KIF1C: variants seen among roughly 807,000 people sequenced by gnomAD.
KIF1C encodes the protein kinesin family member 1C, also known as kinesin-like protein KIF1C.
A neutral mutation model predicts 126.5 loss-of-function variants in KIF1C; 61 were observed. The ratio of observed to expected loss-of-function variants is 0.48; its 90% CI spans 0.39 to 0.60. The LOEUF (loss-of-function observed/expected upper bound fraction) is 0.60, where lower values mean the gene tolerates loss of function less well. Among genes scored for constraint, KIF1C ranks in the 20% least tolerant of loss-of-function variants. KIF1C has a pLI of 0.00. For missense variants in KIF1C, 1,315 were observed against 1,489.2 expected (o/e 0.88, Z 1.93); for synonymous variants, 640 against 580.6 (o/e 1.10, Z -1.47).
chr17:5,002,869 C>G (rs199955251), intron 8 of KIF1C, 27 bp downstream of exon 8: 2 of 1,556,418 alleles, frequency 1.3e-6, no homozygotes, highest in African/African-American at 2.7e-5. Flanking sequence ...CCCCACTCCC[C>G]CACCGGATGC....
rs1975123108 is a variant in KIF1C at position 5,022,775 on chromosome 17, C to T, written c.2628+66C>T. The stretch of plus-strand genomic sequence containing the variant: ...TCTTCACTTTAGGAGTCTGAACCTT[C>T]CATCTCAGAGCCTAACCTTCCCCAA... On this transcript the variant is annotated intron_variant, in intron 22 of 22. Transcript: ENST00000320785. This position sits in a 1 kb window ranked among gnomAD's most constrained non-coding sequence, Gnocchi z 4.9. The T allele has an allele frequency of 7.0e-7, 1 of 1,426,606 alleles. No homozygotes were observed. 88.4% of individuals were successfully genotyped at this position (1,426,606 alleles called of 1,614,324 possible). A position where few individuals can be genotyped will look rare whatever the true frequency, so the allele number is the denominator to read the frequency against.
chr17:5,014,040 G>A lies in KIF1C; in HGVS notation c.1571+308G>A, dbSNP rs375647960. The stretch of plus-strand genomic sequence containing the variant: ...CCATTGCCTTGGCCTCCCTTGGTGG[G>A]GCCTTCCCTGGGGGCGGGAGAAGGG... On this transcript the variant is annotated intron_variant, in intron 17 of 22. Transcript: ENST00000320785. Among the ~76,000 whole-genome samples the A allele has an allele frequency of 1.7e-4, 26 of 152,312 alleles. No individual in the cohort carries two copies. In the East Asian group the frequency reaches 3.5e-3, roughly 20 times the overall value.
chr17:5,005,561 T>C (rs186540417), intron 13 of KIF1C, among the ~76,000 whole-genome samples: 136 of 152,110 alleles, frequency 8.9e-4, no homozygotes, highest in Non-Finnish European at 1.1e-3. Context: ...GGAGTATGAG[T>C]GTTCTTGGAA....
Position 5,023,652 on chromosome 17 carries a change from G to C in KIF1C, c.2813G>C (p.Arg938Pro), listed in dbSNP as rs1037994696. 1.2e-6 allele frequency: 2 copies of C among 1,612,126 alleles called. No individual in the cohort carries two copies. The highest frequency in any genetic ancestry group is 1.1e-5 in the South Asian group (1 of 90,924). ...GAGGACCCTGCCTTCCGTCGTGGTC[G>C]TCTTCGCTGGCTCAAGCAGGAGCAG... ...MEEDPAFRRG[R>P]LRWLKQEQLR... Residue 938 changes from arginine (R) to proline (P), a missense_variant, in exon 23 of 23, where the codon CGT (arginine) becomes CCT (proline). This residue lies in a region of KIF1C where 441 missense variants were observed against 436.1 expected (regional missense o/e 1.01). Coordinates refer to ENST00000320785, the MANE Select transcript of KIF1C (RefSeq NM_006612.6). This position sits in a 1 kb window ranked among gnomAD's most constrained non-coding sequence, Gnocchi z 4.2.
In KIF1C at chr17:5,027,027, G is replaced by C. The variant is rs1471905982; in HGVS notation, c.*2876G>C. The C allele has an allele frequency of 6.6e-6, 1 of 152,068 alleles. No individual in the cohort carries two copies. Among genetic ancestry groups the C allele is most frequent in the African/African-American group, 2.4e-5 (1 of 41,372 alleles). The allele number at this position is 152,068 out of a possible 1,614,324, so 9.4% of individuals were successfully genotyped here. A position where few individuals can be genotyped will look rare whatever the true frequency, so the allele number is the denominator to read the frequency against. On this transcript the variant is annotated 3_prime_UTR_variant, in exon 23 of 23. Coordinates refer to ENST00000320785, the MANE Select transcript of KIF1C (RefSeq NM_006612.6). The stretch of plus-strand genomic sequence containing the variant: ...ATTTTTCATCTGTGCTACCTGTGCC[G>C]GCATTCCATATGCATTTGATTTAGT...
rs1335993839 is a variant in KIF1C at position 4,999,919 on chromosome 17, C to T, written c.-79C>T. 1.9e-5 allele frequency: 6 copies of T among 313,420 alleles called. No individual in the cohort carries two copies. The East Asian group carries it at 2.8e-4, about 14-fold the overall frequency. 19.4% of individuals were successfully genotyped at this position (313,420 alleles called of 1,614,324 possible). ...AGGATGGGGCTCCCCCTACGAGGGC[C>T]GGTGGCAGCCAGAACTGATACAGCC... On this transcript the variant is annotated 5_prime_UTR_variant, in exon 2 of 23. Transcript: ENST00000320785.
intron 18 of KIF1C, among the ~76,000 whole-genome samples, chr17:5,015,504 G>A (rs1030884865): frequency 1.3e-5 from 2 of 149,384 alleles, no homozygotes; most frequent in African/African-American, 4.9e-5. Context: ...GGCTGGTCTC[G>A]AACTCCTGAC....
chr17:5,016,928 C>G (rs998441581), intron 18 of KIF1C, among the ~76,000 whole-genome samples: 2 of 151,790 alleles, frequency 1.3e-5, no homozygotes, highest in African/African-American at 4.8e-5. Flanking sequence ...AAAGACATGC[C>G]TCTTCGGTTT....
chr17:5,010,123 G>A (rs1486459350), intron 16 of KIF1C, among the ~76,000 whole-genome samples: 6 of 152,142 alleles, frequency 3.9e-5, no homozygotes, highest in South Asian at 2.1e-4. Flanking sequence ...ACAGGGTTTC[G>A]CCATGTTGGC....
intron 13 of KIF1C, among the ~76,000 whole-genome samples, chr17:5,006,656 G>A (rs1006839142): frequency 1.3e-5 from 2 of 152,074 alleles, no homozygotes; most frequent in African/African-American, 2.4e-5. Context: ...ATTTTCTGAT[G>A]GTGCAAATCA....
At chr17:5,014,421 G>A (rs181991248) in intron 17 of KIF1C, 6 of 292,740 alleles carry the variant, frequency 2.0e-5, no homozygotes, top group African/African-American at 1.1e-4. Context: ...GTGGTCCCTG[G>A]AGATAACTCA....
rs932358114 is a variant in KIF1C, at chr17:5,020,182, C to T, written c.1750+103C>T. 20 of 856,254 alleles carry T rather than the reference C, an allele frequency of 2.3e-5. No individual in the cohort carries two copies. Among genetic ancestry groups the T allele is most frequent in the Non-Finnish European group, 3.5e-5 (18 of 514,378 alleles). 53.0% of individuals were successfully genotyped at this position (856,254 alleles called of 1,614,324 possible). A position where few individuals can be genotyped will look rare whatever the true frequency, so the allele number is the denominator to read the frequency against. ...CATCCTAGAGGAGGACCCTGAAATA[C>T]ATCAGAAATAGCACGGGGATATAAA... On this transcript the variant is annotated intron_variant, in intron 19 of 22. Coordinates refer to ENST00000320785, the MANE Select transcript of KIF1C (RefSeq NM_006612.6). The surrounding 1 kb of genome is among the most constrained non-coding windows in gnomAD (Gnocchi z 5.8).
chr17:4,998,479 G>A (rs1974453645), intron 1 of KIF1C, among the ~76,000 whole-genome samples: 1 of 152,146 alleles, frequency 6.6e-6, no homozygotes, highest in Admixed American at 6.5e-5. Flanking sequence ...TGTACCCCAC[G>A]GCTCCTTCAC....
intron 13 of KIF1C, among the ~76,000 whole-genome samples, 160 bp from the exon 14 acceptor site, chr17:5,006,755 A>G (rs1974743330): frequency 6.6e-6 from 1 of 152,158 alleles, no homozygotes; most frequent in Admixed American, 6.5e-5. Flanking sequence ...CCCATTTACC[A>G]TGGCTGCAGT....
chr17:5,021,196 G>A (rs1482550515), intron 21 of KIF1C, among the ~76,000 whole-genome samples: 1 of 100,872 alleles, frequency 9.9e-6, no homozygotes, highest in Admixed American at 1.2e-4. Context: ...TTTTTTTGGA[G>A]ATGGAGTCTC....
chr17:5,007,020 A>G lies in KIF1C; in HGVS notation c.1271A>G (p.Glu424Gly). The change falls in exon 14 of 23, where the codon GAG (glutamate) becomes GGG (glycine). Residue 424 changes from glutamate (E) to glycine (G), a missense_variant. Transcript: ENST00000320785. ...CCCACCACACATAATGGGGAGCTGG[A>G]GCCGTCATTCTCCCCCAACACGGAG... is the stretch of plus-strand genomic sequence containing the variant. Reference protein sequence around the residue: ...SSPTTHNGELEPSFSPNTESQ... With the variant: ...SSPTTHNGELGPSFSPNTESQ... 1.2e-6 allele frequency: 2 copies of G among 1,609,848 alleles called. No homozygotes were observed. Among genetic ancestry groups the G allele is most frequent in the Non-Finnish European group, 1.7e-6 (2 of 1,178,836 alleles).
At position 5,026,853 on chromosome 17, in the gene KIF1C, T is replaced by C. The variant is rs911179904; in HGVS notation, c.*2702T>C. On this transcript the variant is annotated 3_prime_UTR_variant, in exon 23 of 23. Transcript: ENST00000320785. ...CCGTAATCCCAACACTTTGGAATAT[T>C]AGGGTGGGAGCATCACTTGAGGCCA... is the stretch of plus-strand genomic sequence containing the variant. The C allele has an allele frequency of 6.6e-6, 1 of 151,872 alleles. No individual in the cohort carries two copies. The highest frequency in any genetic ancestry group is 1.5e-5 in the Non-Finnish European group (1 of 67,990). 9.4% of individuals were successfully genotyped at this position (151,872 alleles called of 1,614,324 possible). A position where few individuals can be genotyped will look rare whatever the true frequency, so the allele number is the denominator to read the frequency against.
chr17:5,010,671 C>T (rs1163237679), intron 16 of KIF1C, among the ~76,000 whole-genome samples: 18 of 150,342 alleles, frequency 1.2e-4, no homozygotes, highest in Non-Finnish European at 2.4e-4. Flanking sequence ...GGCGTGAACC[C>T]GGGAGGCGGA....
chr17:5,002,849 TCG>T lies in KIF1C; in HGVS notation c.720+9_720+10del, dbSNP rs373230966. On this transcript the variant is annotated splice_region_variant and intron_variant, in intron 8 of 22. Transcript: ENST00000320785. Reference sequence around the variant, plus strand: ...GGGGCTGGACTCGGAGAAGGTGGGATCGCCCCCCCCCCCACTCCCCCACCGGA... The same window carrying T: ...GGGGCTGGACTCGGAGAAGGTGGGATCCCCCCCCCCCACTCCCCCACCGGA... 3 of 1,544,884 alleles carry T rather than the reference TCG, an allele frequency of 1.9e-6. No homozygotes were observed. Among genetic ancestry groups the T allele is most frequent in the Non-Finnish European group, 2.6e-6 (3 of 1,142,540 alleles).
Sources: gnomAD v4.1 joint callset for allele counts (sites outside exome capture counted in the v4.1 genomes callset) on GRCh38, gnomAD v4.1.1 for gene constraint, gnomAD v4.1.1 regional missense constraint, Gnocchi (gnomAD v3.1) non-coding constraint, MANE v1.5 for transcripts, NCBI Gene and HGNC (gene_info 2026-07-23, HGNC 2026-07-21) for gene names.